Variants in EXOC4 observed in about 807,000 individuals in gnomAD.
EXOC4 encodes exocyst complex component 4.
In EXOC4, 71 loss-of-function variants were observed where a neutral mutation model predicts 107.2. The observed-to-expected ratio is 0.66, with a 90% CI of 0.55 to 0.81. The LOEUF is 0.81. EXOC4 is among the 30% of genes least tolerant of loss of function. The probability of loss-of-function intolerance (pLI) is 0.00; values close to 1 mark genes in which losing one functional copy is unlikely to be tolerated. For missense variants in EXOC4, 1,108 were observed against 1,189.6 expected, an observed-to-expected ratio of 0.93 and a Z score of 1.01; for synonymous variants, 456 against 441.2, an observed-to-expected ratio of 1.03 and a Z score of -0.42.
chr7:133,854,163 A>G (rs928660236), intron 11 of EXOC4, among the ~76,000 whole-genome samples: 1 of 152,242 alleles, frequency 6.6e-6, no homozygotes, highest in South Asian at 2.1e-4. Context: ...GAGAGGCCTT[A>G]TAATAACACA....
intron 17 of EXOC4, among the ~76,000 whole-genome samples, chr7:134,052,383 T>C (rs906103872): frequency 5.7e-4 from 86 of 151,804 alleles, no homozygotes; most frequent in African/African-American, 2.1e-3. Context: ...CTTGAAAGCA[T>C]TGGGAGGGGT....
chr7:133,405,347 A>T (rs983592166), intron 7 of EXOC4, among the ~76,000 whole-genome samples: 4 of 152,316 alleles, frequency 2.6e-5, no homozygotes, highest in Admixed American at 2.0e-4. Context: ...AATAATAAAT[A>T]TTTGAGTAAA....
At chr7:133,736,559 A>G (rs1186579842) in intron 10 of EXOC4, among the ~76,000 whole-genome samples, 1 of 152,134 alleles carries the variant, frequency 6.6e-6, no homozygotes, top group Non-Finnish European at 1.5e-5. Flanking sequence ...CCTTCCCAAT[A>G]TTTACCCTTC....
chr7:133,864,568 G>A (rs1009041321), intron 11 of EXOC4, among the ~76,000 whole-genome samples: 2 of 152,204 alleles, frequency 1.3e-5, no homozygotes, highest in African/African-American at 4.8e-5. Flanking sequence ...ATATTGGTAA[G>A]CAGTAAATTG....
chr7:133,704,019 G>A (rs1794717771), intron 10 of EXOC4, among the ~76,000 whole-genome samples: 1 of 152,186 alleles, frequency 6.6e-6, no homozygotes, highest in East Asian at 1.9e-4. Context: ...CATCTTGATA[G>A]AGCTTTGCTT....
At chr7:133,399,790 A>G (rs777233079) in intron 7 of EXOC4, among the ~76,000 whole-genome samples, 4 of 152,234 alleles carry the variant, frequency 2.6e-5, no homozygotes. Flanking sequence ...TAAGAGAAAC[A>G]AAGAAGAGGG....
At chr7:133,825,642 G>A (rs563064485) in intron 11 of EXOC4, among the ~76,000 whole-genome samples, 22 of 152,284 alleles carry the variant, frequency 1.4e-4, no homozygotes, top group African/African-American at 3.9e-4. Flanking sequence ...CAGCAGTAGC[G>A]TATTGTTTTC....
chr7:133,317,976 A>G (rs1030429669), intron 5 of EXOC4, among the ~76,000 whole-genome samples: 1 of 152,134 alleles, frequency 6.6e-6, no homozygotes, highest in Non-Finnish European at 1.5e-5. Context: ...CTGTTTTTCT[A>G]AAGTTGAGTT....
At chr7:133,985,122 T>C (rs547878968) in intron 14 of EXOC4, among the ~76,000 whole-genome samples, 3 of 152,276 alleles carry the variant, frequency 2.0e-5, no homozygotes, top group East Asian at 1.9e-4. Flanking sequence ...TAGGGTAATA[T>C]AAGATATTTC....
chr7:133,720,850 CA>C (rs1247547576), intron 10 of EXOC4, among the ~76,000 whole-genome samples: 1 of 152,140 alleles, frequency 6.6e-6, no homozygotes, highest in South Asian at 2.1e-4. Flanking sequence ...CATGCCACCA[CA>C]AAAACAGCTA....
At chr7:133,898,518 G>C (rs1799373721) in intron 12 of EXOC4, among the ~76,000 whole-genome samples, 1 of 146,068 alleles carries the variant, frequency 6.8e-6, no homozygotes, top group Non-Finnish European at 1.5e-5. Context: ...GGCCGAGGCA[G>C]GCGGATCACG....
intron 14 of EXOC4, among the ~76,000 whole-genome samples, chr7:133,965,234 T>C (rs1354850574): frequency 6.6e-6 from 1 of 152,236 alleles, no homozygotes; most frequent in African/African-American, 2.4e-5. Context: ...TATTAACCCA[T>C]TGTCAGATGG....
intron 12 of EXOC4, among the ~76,000 whole-genome samples, chr7:133,916,559 G>T (rs538025287): frequency 1.3e-5 from 2 of 152,312 alleles, no homozygotes; most frequent in African/African-American, 2.4e-5. Flanking sequence ...GTGAACCACT[G>T]CATCTGGCCT....
chr7:133,367,892 C>T (rs1161778116), intron 6 of EXOC4, among the ~76,000 whole-genome samples: 1 of 152,160 alleles, frequency 6.6e-6, no homozygotes, highest in African/African-American at 2.4e-5. Flanking sequence ...GTCATTGTCA[C>T]TGATACTTCA....
chr7:133,648,297 C>T (rs1413663170), intron 10 of EXOC4, among the ~76,000 whole-genome samples: 2 of 152,172 alleles, frequency 1.3e-5, no homozygotes, highest in Non-Finnish European at 2.9e-5. Flanking sequence ...AAACTTTTAG[C>T]AACCTCACAT....
At chr7:133,334,905 C>T (rs190928268) in intron 5 of EXOC4, among the ~76,000 whole-genome samples, 3 of 152,252 alleles carry the variant, frequency 2.0e-5, no homozygotes, top group East Asian at 1.9e-4. Context: ...GACATGATCT[C>T]GTTCTTTTTC....
chr7:133,927,135 TA>T (rs141235054), intron 13 of EXOC4, among the ~76,000 whole-genome samples: 50,453 of 142,196 alleles, frequency 0.35, 9,349 homozygotes, highest in Admixed American at 0.49. Context: ...AAATAAAATG[TA>T]AAAAAAAAAA....
At chr7:133,830,236 C>T (rs941036425) in intron 11 of EXOC4, among the ~76,000 whole-genome samples, 3 of 152,194 alleles carry the variant, frequency 2.0e-5, no homozygotes, top group African/African-American at 7.2e-5. Context: ...TCCCCTTGGT[C>T]ATTTCAAGGT....
chr7:133,914,449 A>G (rs1398566802), intron 12 of EXOC4, among the ~76,000 whole-genome samples: 1 of 152,122 alleles, frequency 6.6e-6, no homozygotes, highest in Non-Finnish European at 1.5e-5. Flanking sequence ...TTTCATTCAT[A>G]TTTCTTAGTT....
Sources: gnomAD v4.1 joint callset for allele counts (sites outside exome capture counted in the v4.1 genomes callset) on GRCh38, gnomAD v4.1.1 for gene constraint, MANE v1.5 for transcripts, NCBI Gene and HGNC (gene_info 2026-07-23, HGNC 2026-07-21) for gene names.